CCDC178: variants seen among roughly 807,000 people sequenced by gnomAD.
CCDC178 encodes coiled-coil domain containing 178, also known as coiled-coil domain-containing protein 178.
In CCDC178, 126 loss-of-function variants were observed where a neutral mutation model predicts 117.4. The observed-to-expected ratio is 1.07, with a 90% CI of 0.93 to 1.24. The LOEUF is 1.24. Ranked by LOEUF, CCDC178 falls within the 50% of genes most tolerant of loss-of-function variation. The pLI, the probability that CCDC178 is intolerant of heterozygous loss-of-function variation, is 0.00. For synonymous variants in CCDC178, 283 were observed against 313.4 expected (o/e 0.90, Z 1.02); for missense variants, 1,030 against 986.9 (o/e 1.04, Z -0.59).
At chr18:33,361,479 A>T (rs2063127067) in intron 6 of CCDC178, among the ~76,000 whole-genome samples, 2 of 151,788 alleles carry the variant, frequency 1.3e-5, no homozygotes, top group African/African-American at 4.8e-5. Context: ...AAAGACAAAA[A>T]TACAGAAATG....
At chr18:33,048,905 C>T (rs375475000) in intron 21 of CCDC178, among the ~76,000 whole-genome samples, 7 of 152,222 alleles carry the variant, frequency 4.6e-5, no homozygotes, top group African/African-American at 1.7e-4. Context: ...AATTCCAAAA[C>T]CTCACTTACA....
intron 2 of CCDC178, among the ~76,000 whole-genome samples, chr18:33,417,889 T>C (rs552653167): frequency 1.3e-5 from 2 of 152,122 alleles, no homozygotes; most frequent in South Asian, 2.1e-4. Flanking sequence ...ACCAGAGAGA[T>C]TCATTGCCAA....
At position 33,418,393 on chromosome 18, in the gene CCDC178, G is replaced by A. The variant is rs77409187; in HGVS notation, c.-22-6283C>T. ...ACCCACAGCCATCATCATACTGAAC[G>A]GACAAAAGCTGGATTCACTTCCCTT... On this transcript the variant is annotated intron_variant, in intron 2 of 22. Transcript: ENST00000383096. Among the ~76,000 whole-genome samples the A allele has an allele frequency of 5.9e-4, 89 of 152,002 alleles. 1 individual carries two copies. The East Asian group carries it at 0.01, about 18-fold the overall frequency.
At chr18:33,274,394 C>T (rs2059923240) in intron 12 of CCDC178, among the ~76,000 whole-genome samples, 1 of 151,856 alleles carries the variant, frequency 6.6e-6, no homozygotes, top group Non-Finnish European at 1.5e-5. Flanking sequence ...CCTGGCAATT[C>T]CACTCCTAGA....
At chr18:33,409,757 G>T (rs900623473) in intron 3 of CCDC178, among the ~76,000 whole-genome samples, 1 of 152,128 alleles carries the variant, frequency 6.6e-6, no homozygotes. Context: ...GAAATCTGAT[G>T]ATGGTGTGAA....
chr18:33,336,024 G>C (rs2062735756), intron 9 of CCDC178, among the ~76,000 whole-genome samples: 1 of 152,128 alleles, frequency 6.6e-6, no homozygotes, highest in African/African-American at 2.4e-5. Flanking sequence ...CTAACGTACA[G>C]AACATTTAAA....
chr18:33,211,140 A>C (rs1433107709), intron 20 of CCDC178, among the ~76,000 whole-genome samples: 1 of 151,876 alleles, frequency 6.6e-6, no homozygotes, highest in Non-Finnish European at 1.5e-5. Context: ...ATATTATGAT[A>C]CTACATATAC....
At chr18:33,180,962 A>G (rs1325780603) in intron 20 of CCDC178, among the ~76,000 whole-genome samples, 1 of 152,010 alleles carries the variant, frequency 6.6e-6, no homozygotes, top group Non-Finnish European at 1.5e-5. Context: ...GCTTAAGGGC[A>G]TAATGTCACA....
chr18:33,397,302 C>T, intron 3 of CCDC178, 94 bp from the exon 4 acceptor site: 1 of 752,262 alleles, frequency 1.3e-6, no homozygotes, highest in South Asian at 1.9e-5. Flanking sequence ...GGAAGAAAAT[C>T]AGCATCAGAA....
intron 21 of CCDC178, among the ~76,000 whole-genome samples, chr18:32,996,358 A>T (rs2055508681): frequency 6.6e-6 from 1 of 151,950 alleles, no homozygotes. Context: ...TATAATGTAC[A>T]AAAAATGCTT....
chr18:33,353,486 G>A (rs2063006677), intron 7 of CCDC178, among the ~76,000 whole-genome samples: 1 of 151,788 alleles, frequency 6.6e-6, no homozygotes, highest in South Asian at 2.1e-4. Flanking sequence ...CTCCATAACT[G>A]CCTTATTTGT....
At chr18:33,338,585 TG>T (rs1568159103) in intron 9 of CCDC178, among the ~76,000 whole-genome samples, 2 of 152,124 alleles carry the variant, frequency 1.3e-5, no homozygotes, top group East Asian at 3.8e-4. Flanking sequence ...AATAAAATAA[TG>T]GCATTCACAG....
chr18:33,406,886 C>G (rs1461760580), intron 3 of CCDC178, among the ~76,000 whole-genome samples: 2 of 152,108 alleles, frequency 1.3e-5, no homozygotes, highest in South Asian at 2.1e-4. Flanking sequence ...CTGGAGAGTT[C>G]TTATCAACAG....
At chr18:33,366,757 T>G (rs527869745) in intron 6 of CCDC178, among the ~76,000 whole-genome samples, 1 of 152,194 alleles carries the variant, frequency 6.6e-6, no homozygotes, top group African/African-American at 2.4e-5. Flanking sequence ...TGCCTTGCTT[T>G]GCCCTCTGCC....
chr18:33,333,093 C>A, intron 10 of CCDC178, 81 bp downstream of exon 10: 7 of 695,366 alleles, frequency 1.0e-5, no homozygotes, highest in East Asian at 8.3e-5. Flanking sequence ...ACCTTTAAAG[C>A]TGTGTTAATT....
intron 11 of CCDC178, among the ~76,000 whole-genome samples, chr18:33,295,810 T>C (rs552623458): frequency 6.6e-6 from 1 of 152,258 alleles, no homozygotes; most frequent in South Asian, 2.1e-4. Context: ...AGAAACTGGA[T>C]CTCTCATACA....
chr18:32,996,689 A>G (rs1467638429), intron 21 of CCDC178, among the ~76,000 whole-genome samples: 1 of 152,050 alleles, frequency 6.6e-6, no homozygotes, highest in Non-Finnish European at 1.5e-5. Flanking sequence ...ATGGATTTTT[A>G]ATTGATTCTG....
chr18:33,118,463 C>G (rs898478466), intron 20 of CCDC178, among the ~76,000 whole-genome samples: 4 of 152,112 alleles, frequency 2.6e-5, no homozygotes, highest in Non-Finnish European at 5.9e-5. Flanking sequence ...TGATATAACT[C>G]TGCTGATCCA....
intron 22 of CCDC178, among the ~76,000 whole-genome samples, chr18:32,970,450 T>A (rs562906085): frequency 2.6e-5 from 4 of 152,166 alleles, no homozygotes; most frequent in African/African-American, 9.6e-5. Flanking sequence ...GGCATCATTT[T>A]AATACTACCT....
Sources: allele counts gnomAD v4.1 joint callset (sites outside exome capture counted in the v4.1 genomes callset), GRCh38; gene constraint gnomAD v4.1.1; transcripts MANE v1.5; gene names NCBI Gene and HGNC (gene_info 2026-07-23, HGNC 2026-07-21).